The following CTBP1 variants were observed in gnomAD, a reference collection of about 807,000 sequenced individuals.
CTBP1 encodes C-terminal binding protein 1, also known as C-terminal-binding protein 1.
In CTBP1, 11 loss-of-function variants were observed where a neutral mutation model predicts 42.1. The observed-to-expected ratio is 0.26, with a 90% CI of 0.16 to 0.43. The LOEUF (loss-of-function observed/expected upper bound fraction) is 0.43. CTBP1 is among the 20% of genes least tolerant of loss of function. The probability of loss-of-function intolerance (pLI) is 1.00; values close to 1 mark genes in which losing one functional copy is unlikely to be tolerated. For synonymous variants in CTBP1, 324 were observed against 277.1 expected, an observed-to-expected ratio of 1.17 and a Z score of -1.68; for missense variants, 399 against 624.3, an observed-to-expected ratio of 0.64 and a Z score of 3.85.
At chr4:1,214,822 C>G (rs559742661) in intron 6 of CTBP1, among the ~76,000 whole-genome samples, 1 of 152,374 alleles carries the variant, frequency 6.6e-6, no homozygotes, top group African/African-American at 2.4e-5. Flanking sequence ...CTCCCCCACG[C>G]AGGGCCTCAG....
Position 1,215,971 on chromosome 4 carries a change from G to T in CTBP1, c.729+20C>A. Reference sequence around the variant, plus strand: ...ACCTGCCCCGCAGAAGTAGAGTCCTGTGTCCCCGGCTCCACGCACCTGCTT... The same window carrying T: ...ACCTGCCCCGCAGAAGTAGAGTCCTTTGTCCCCGGCTCCACGCACCTGCTT... On this transcript the variant is annotated intron_variant, in intron 6 of 9. Transcript: ENST00000382952. The T allele has an allele frequency of 1.3e-6, 2 of 1,593,692 alleles. No homozygotes were observed. Among genetic ancestry groups the T allele is most frequent in the Non-Finnish European group, 1.7e-6 (2 of 1,171,890 alleles).
intron 2 of CTBP1, among the ~76,000 whole-genome samples, chr4:1,239,182 C>G (rs1210879408): frequency 1.3e-5 from 2 of 152,226 alleles, no homozygotes; most frequent in African/African-American, 4.8e-5. Context: ...TAAGCCTCAT[C>G]GGGGCCAACT....
intron 9 of CTBP1, 39 bp downstream of exon 9, chr4:1,212,874 C>A (rs762532571): frequency 4.3e-5 from 67 of 1,545,898 alleles, no homozygotes; most frequent in Middle Eastern, 1.8e-4. Context: ...AAGCCTGGGG[C>A]CCTCCTGGAG....
chr4:1,223,428 G>A (rs1179413814), intron 5 of CTBP1: 1 of 455,004 alleles, frequency 2.2e-6, no homozygotes, highest in South Asian at 1.6e-5. Flanking sequence ...TAACCTAGGT[G>A]TGGCCGCCTC....
At chr4:1,215,136 G>C (rs1728972903) in intron 6 of CTBP1, among the ~76,000 whole-genome samples, 2 of 152,184 alleles carry the variant, frequency 1.3e-5, no homozygotes, top group South Asian at 4.1e-4. Context: ...TCACACCCAA[G>C]GTCCTCAGGG....
intron 1 of CTBP1, chr4:1,242,841 T>G: frequency 2.0e-6 from 2 of 985,318 alleles, no homozygotes; most frequent in Non-Finnish European, 2.4e-6. Context: ...AAATGTCACA[T>G]TTCACCCACG....
chr4:1,248,894 A>ACGCG (rs759444828), intron 1 of CTBP1, 22 bp downstream of exon 1: 9 of 908,250 alleles, frequency 9.9e-6, no homozygotes, highest in South Asian at 4.7e-5. Context: ...GCGGCCGGAA[A>ACGCG]CGCGCGCGCG....
chr4:1,214,245 G>A (rs573576663), intron 7 of CTBP1, 98 bp downstream of exon 7: 4 of 1,391,758 alleles, frequency 2.9e-6, no homozygotes, highest in African/African-American at 3.0e-5. Flanking sequence ...CCTGAGTACA[G>A]GCAAGTGTCC....
chr4:1,242,448 C>G (rs1732276158), intron 1 of CTBP1: 40 of 985,294 alleles, frequency 4.1e-5, no homozygotes, highest in Non-Finnish European at 4.6e-5. Context: ...GCCACTCAGC[C>G]AAGCCTAAGA....
chr4:1,213,364 C>T (rs1442094101), intron 8 of CTBP1, 114 bp downstream of exon 8: 13 of 1,523,938 alleles, frequency 8.5e-6, no homozygotes, highest in Middle Eastern at 2.3e-4. Flanking sequence ...GAGAGCACCA[C>T]GGGCCCTGAG....
At chr4:1,248,550 G>A (rs1402685798) in intron 1 of CTBP1, 3 of 397,494 alleles carry the variant, frequency 7.5e-6, no homozygotes, top group Admixed American at 6.5e-5. Context: ...GGACGGGGTA[G>A]CGGCCGGGGA....
intron 3 of CTBP1, among the ~76,000 whole-genome samples, chr4:1,228,903 T>C (rs1466922230): frequency 2.0e-5 from 3 of 152,218 alleles, no homozygotes; most frequent in Admixed American, 2.0e-4. Flanking sequence ...CACAGGAGCA[T>C]GCACTGCCCC....
At chr4:1,248,075 AAGAG>A (rs966071983) in intron 1 of CTBP1, among the ~76,000 whole-genome samples, 1 of 152,112 alleles carries the variant, frequency 6.6e-6, no homozygotes, top group African/African-American at 2.4e-5. Flanking sequence ...GGTCGAGGGA[AAGAG>A]AGGCTCCGCG....
chr4:1,231,052 A>G (rs560034550), intron 3 of CTBP1: 2 of 152,370 alleles, frequency 1.3e-5, no homozygotes, highest in East Asian at 1.9e-4. Context: ...AAGCATTCTC[A>G]CTACAGGAAT....
chr4:1,216,905 A>C (rs1016991268), intron 5 of CTBP1: 1 of 153,890 alleles, frequency 6.5e-6, no homozygotes, highest in South Asian at 2.0e-4. Flanking sequence ...ATGGCTGCAA[A>C]GGACACAGGA....
At chr4:1,248,843 C>T in intron 1 of CTBP1, 73 bp downstream of exon 1, 1 of 902,942 alleles carries the variant, frequency 1.1e-6, no homozygotes, top group Non-Finnish European at 1.3e-6. Flanking sequence ...CGCCCCCGCG[C>T]CCCCCGCCCG....
intron 1 of CTBP1, chr4:1,244,317 G>C: frequency 3.1e-6 from 3 of 981,042 alleles, no homozygotes; most frequent in Non-Finnish European, 3.6e-6. Flanking sequence ...GCTGGGACCT[G>C]CCCCGATCCA....
chr4:1,220,216 A>G (rs1312854964), intron 5 of CTBP1, among the ~76,000 whole-genome samples: 14 of 151,578 alleles, frequency 9.2e-5, no homozygotes, highest in Non-Finnish European at 1.9e-4. Context: ...AAAAAAAAAA[A>G]AGGGGCAGAG....
chr4:1,243,706 C>G, intron 1 of CTBP1: 1 of 985,468 alleles, frequency 1.0e-6, no homozygotes, highest in Non-Finnish European at 1.2e-6. Flanking sequence ...TACGGCCTTC[C>G]TGGCTGGCCG....
Sources: allele counts gnomAD v4.1 joint callset (sites outside exome capture counted in the v4.1 genomes callset), GRCh38; gene constraint gnomAD v4.1.1; transcripts MANE v1.5; gene names NCBI Gene and HGNC (gene_info 2026-07-23, HGNC 2026-07-21).